The following AKAP13 variants were observed in gnomAD, a reference collection of about 807,000 sequenced individuals.
AKAP13 encodes A-kinase anchor protein 13.
In AKAP13, 80 loss-of-function variants were observed where a neutral mutation model predicts 264.5. The ratio of observed to expected loss-of-function variants is 0.30; its 90% CI spans 0.25 to 0.36. AKAP13 has a LOEUF of 0.36. Ranked by LOEUF, AKAP13 falls within the 10% of genes least tolerant of loss-of-function variation. The pLI is 1.00. For synonymous variants in AKAP13, 1,380 were observed against 1,250.2 expected, an observed-to-expected ratio of 1.10 and a Z score of -2.19; for missense variants, 3,712 against 3,435.2, an observed-to-expected ratio of 1.08 and a Z score of -2.01.
At chr15:85,586,414 C>A (rs2079350579) in intron 8 of AKAP13, among the ~76,000 whole-genome samples, 1 of 152,038 alleles carries the variant, frequency 6.6e-6, no homozygotes, top group Non-Finnish European at 1.5e-5. Flanking sequence ...GCCATGTTGG[C>A]CAGGCTGTTT....
intron 14 of AKAP13, among the ~76,000 whole-genome samples, chr15:85,674,322 A>G (rs1257241095): frequency 6.6e-6 from 1 of 152,228 alleles, no homozygotes; most frequent in Non-Finnish European, 1.5e-5. Context: ...TATGTAACAT[A>G]TTATATAAAA....
chr15:85,426,955 G>GTTTTTTTTTTTTTTTT (rs71468105), intron 1 of AKAP13, among the ~76,000 whole-genome samples: 3 of 125,092 alleles, frequency 2.4e-5, no homozygotes, highest in African/African-American at 5.9e-5. Flanking sequence ...GTTTTGTTTT[G>GTTTTTTTTTTTTTTTT]TTTTTTTTTT....
chr15:85,388,741 A>G (rs1331633928), intron 1 of AKAP13, among the ~76,000 whole-genome samples: 1 of 152,128 alleles, frequency 6.6e-6, no homozygotes, highest in Non-Finnish European at 1.5e-5. Context: ...TTTGCTACTG[A>G]ATCTTTTTTT....
At chr15:85,482,317 G>GT (rs2075376499) in intron 1 of AKAP13, among the ~76,000 whole-genome samples, 2 of 152,066 alleles carry the variant, frequency 1.3e-5, no homozygotes, top group South Asian at 4.1e-4. Context: ...TCCTTCTTCT[G>GT]TTTTATTTTT....
At position 85,682,166 on chromosome 15, in the gene AKAP13, C is replaced by T. The variant is rs779587846; in HGVS notation, c.5110C>T (p.Pro1704Ser). The change falls in exon 15 of 37, where the codon CCC (proline) becomes TCC (serine). Residue 1704 changes from proline to serine, a missense_variant. By Grantham distance (74) the Pro-to-Ser change is moderately conservative. Coordinates refer to ENST00000394518, the MANE Select transcript of AKAP13 (RefSeq NM_007200.5). ...ISHPGLDNSR[P>S]FHSTFHNTSA... The stretch of plus-strand genomic sequence containing the variant: ...TCTGCCTTGTTTTCTAGATTCACGG[C>T]CCTTCCACAGTACCTTCCACAATAC... 3 of 1,613,444 alleles carry T rather than the reference C, an allele frequency of 1.9e-6. No homozygotes were observed. Among genetic ancestry groups the T allele is most frequent in the Non-Finnish European group, 2.5e-6 (3 of 1,179,918 alleles).
intron 8 of AKAP13, among the ~76,000 whole-genome samples, chr15:85,599,833 C>G (rs1157588260): frequency 2.0e-5 from 3 of 152,250 alleles, no homozygotes; most frequent in East Asian, 1.9e-4. Flanking sequence ...CCTAGGCATT[C>G]AAGACCAGCC....
intron 13 of AKAP13, among the ~76,000 whole-genome samples, chr15:85,666,719 C>G (rs1703674290): frequency 6.6e-6 from 1 of 152,046 alleles, no homozygotes; most frequent in African/African-American, 2.4e-5. Context: ...TGGCCTTTGC[C>G]TTCTCTTTAT....
At chr15:85,642,882 C>CT (rs1337223717) in intron 9 of AKAP13, among the ~76,000 whole-genome samples, 4 of 152,098 alleles carry the variant, frequency 2.6e-5, no homozygotes, top group African/African-American at 9.7e-5. Context: ...TGTGACAGCC[C>CT]TTTCTTTTCT....
Position 85,580,395 on chromosome 15 carries a change from A to G in AKAP13, c.2327A>G (p.Asp776Gly), listed in dbSNP as rs907574953. 3.1e-6 allele frequency: 5 copies of G among 1,614,252 alleles called. No homozygotes were observed. Among genetic ancestry groups the G allele is most frequent in the Non-Finnish European group, 2.5e-6 (3 of 1,180,046 alleles). Residue 776 changes from aspartate to glycine, a missense_variant, in exon 7 of 37, where the codon GAC (aspartate) becomes GGC (glycine). By Grantham distance (94) the Asp-to-Gly change is moderately conservative (BLOSUM62 -1). This residue lies in a region of AKAP13 where 2,759 missense variants were observed against 2,411.7 expected (regional missense o/e 1.14). Coordinates refer to ENST00000394518, the MANE Select transcript of AKAP13 (RefSeq NM_007200.5). ...VPKMEKELVP[D>G]QAVISDSTFS... ...AAAATGGAGAAAGAACTGGTGCCAG[A>G]CCAGGCAGTAATATCAGACAGTACT...
intron 5 of AKAP13, 199 bp downstream of exon 5, chr15:85,544,154 T>C: frequency 1.4e-6 from 1 of 715,494 alleles, no homozygotes; most frequent in Non-Finnish European, 2.5e-6. Flanking sequence ...GTAAGTCGTG[T>C]TAACCATTTT....
At position 85,441,435 on chromosome 15, in the gene AKAP13, G is replaced by C. The variant is rs540928500; in HGVS notation, c.-11-44275G>C. Among the ~76,000 whole-genome samples the C allele has an allele frequency of 9.2e-5, 14 of 151,998 alleles. No individual in the cohort carries two copies. In the South Asian group the frequency reaches 2.9e-3, roughly 32 times the overall value. ...TATAATTGGTAAATATTTTTTCCTA[G>C]TCTCTGACGTAGAGTCTTGTCTTTT... On this transcript the variant is annotated intron_variant, in intron 1 of 36. Transcript: ENST00000394518.
chr15:85,421,242 A>G (rs1156410275), intron 1 of AKAP13, among the ~76,000 whole-genome samples: 2 of 152,236 alleles, frequency 1.3e-5, no homozygotes, highest in Non-Finnish European at 2.9e-5. Flanking sequence ...GTGGTGCACT[A>G]GTCATTCTTA....
At chr15:85,732,438 T>TTA (rs1198372135) in intron 30 of AKAP13, among the ~76,000 whole-genome samples, 2 of 135,008 alleles carry the variant, frequency 1.5e-5, no homozygotes, top group Non-Finnish European at 3.3e-5. Context: ...ATATATAACA[T>TTA]TATATATATA....
At chr15:85,734,506 T>G (rs1334648952) in intron 30 of AKAP13, among the ~76,000 whole-genome samples, 1 of 152,218 alleles carries the variant, frequency 6.6e-6, no homozygotes, top group Non-Finnish European at 1.5e-5. Flanking sequence ...TTCCATTTTC[T>G]CCACTTTCTT....
At chr15:85,659,327 T>C (rs2083234394) in intron 12 of AKAP13, among the ~76,000 whole-genome samples, 1 of 152,244 alleles carries the variant, frequency 6.6e-6, no homozygotes, top group Admixed American at 6.5e-5. Context: ...TAGGGTTATA[T>C]TACTGTTAGT....
intron 1 of AKAP13, among the ~76,000 whole-genome samples, chr15:85,387,852 AT>A (rs1405900935): frequency 1.3e-5 from 2 of 152,082 alleles, no homozygotes; most frequent in African/African-American, 4.8e-5. Context: ...CCAGTTGCTC[AT>A]TGCTGGTATA....
rs564759735 is a variant in AKAP13, at chr15:85,746,481, C to T, written c.*1804C>T. 1.3e-5 allele frequency: 2 copies of T among 152,210 alleles called. No individual in the cohort carries two copies. Among genetic ancestry groups the T allele is most frequent in the South Asian group, 4.2e-4 (2 of 4,814 alleles). 9.4% of individuals were successfully genotyped at this position (152,210 alleles called of 1,614,324 possible). Reference sequence around the variant, plus strand: ...CATGTCCTTCCCTCCCCCACCCCGCCTCATTCTTTAATCAAAGGATGTCTT... The same window carrying T: ...CATGTCCTTCCCTCCCCCACCCCGCTTCATTCTTTAATCAAAGGATGTCTT... On this transcript the variant is annotated 3_prime_UTR_variant, in exon 37 of 37. Coordinates refer to ENST00000394518, the MANE Select transcript of AKAP13 (RefSeq NM_007200.5).
intron 8 of AKAP13, among the ~76,000 whole-genome samples, chr15:85,635,582 T>C (rs139934610): frequency 1.8e-3 from 275 of 152,092 alleles, no homozygotes; most frequent in African/African-American, 6.3e-3. Flanking sequence ...AGATTTATCC[T>C]TTTTTTTCAT....
At chr15:85,672,911 A>G (rs928248987) in intron 14 of AKAP13, among the ~76,000 whole-genome samples, 16 of 152,184 alleles carry the variant, frequency 1.1e-4, no homozygotes, top group African/African-American at 2.7e-4. Context: ...TTGCTAGGAC[A>G]TTGTCCCTTG....
Sources: gnomAD v4.1 joint callset for allele counts (sites outside exome capture counted in the v4.1 genomes callset) on GRCh38, gnomAD v4.1.1 for gene constraint, gnomAD v4.1.1 regional missense constraint, MANE v1.5 for transcripts, NCBI Gene and HGNC (gene_info 2026-07-23, HGNC 2026-07-21) for gene names.